PMM2: variants seen among roughly 807,000 people sequenced by gnomAD.
PMM2 encodes the protein mannose-6-phosphate isomerase.
In PMM2, 35 loss-of-function variants were observed where a neutral mutation model predicts 33.2. The observed-to-expected ratio is 1.06, with a 90% CI of 0.81 to 1.40. PMM2 has a LOEUF of 1.40. Among genes scored for constraint, PMM2 ranks in the 40% most tolerant of loss-of-function variants. The pLI is 0.00. For missense variants in PMM2, 386 were observed against 306.0 expected, an observed-to-expected ratio of 1.26 and a Z score of -1.95; for synonymous variants, 153 against 114.7, an observed-to-expected ratio of 1.33 and a Z score of -2.13.
intron 1 of PMM2, among the ~76,000 whole-genome samples, chr16:8,799,976 A>G (rs1382583484): frequency 6.6e-6 from 1 of 152,242 alleles, no homozygotes; most frequent in Non-Finnish European, 1.5e-5. Context: ...TTACTCTAAA[A>G]AAGTTTTTTA....
At chr16:8,846,151 C>T (rs2060924401) in intron 7 of PMM2, among the ~76,000 whole-genome samples, 1 of 152,196 alleles carries the variant, frequency 6.6e-6, no homozygotes, top group African/African-American at 2.4e-5. Context: ...CCAGCACTCC[C>T]TGGGCCCAGC....
chr16:8,798,960 C>T (rs1180173131), intron 1 of PMM2, among the ~76,000 whole-genome samples: 1 of 152,218 alleles, frequency 6.6e-6, no homozygotes, highest in Non-Finnish European at 1.5e-5. Context: ...TGATGACGCT[C>T]AACTCCCAAG....
chr16:8,803,546 G>A (rs939215126), intron 2 of PMM2, among the ~76,000 whole-genome samples: 5 of 152,060 alleles, frequency 3.3e-5, no homozygotes, highest in African/African-American at 1.2e-4. Flanking sequence ...ATGAGTGTGG[G>A]GTCCCCACCC....
intron 7 of PMM2, among the ~76,000 whole-genome samples, chr16:8,835,346 G>T (rs1184631408): frequency 6.6e-6 from 1 of 151,970 alleles, no homozygotes; most frequent in Non-Finnish European, 1.5e-5. Flanking sequence ...GGTAACAGAT[G>T]GGGATGAAAT....
At chr16:8,815,220 T>TC (rs1470889958) in intron 7 of PMM2, among the ~76,000 whole-genome samples, 2 of 141,970 alleles carry the variant, frequency 1.4e-5, no homozygotes, top group East Asian at 3.9e-4. Flanking sequence ...TTTTCTTTCT[T>TC]TTTTTTTTTT....
chr16:8,818,364 G>A (rs79550318), intron 7 of PMM2, among the ~76,000 whole-genome samples: 3 of 152,130 alleles, frequency 2.0e-5, no homozygotes, highest in South Asian at 4.1e-4. Flanking sequence ...GATCCTTTTC[G>A]TCAGCGGTTT....
chr16:8,825,660 G>A lies in PMM2; in HGVS notation c.639+12554G>A, dbSNP rs146982748. On this transcript the variant is annotated intron_variant, in intron 7 of 7. Coordinates refer to ENST00000268261, the MANE Select transcript of PMM2 (RefSeq NM_000303.3). ...TAAAATTTTACAAACAAATGTATCC[G>A]ATTTTAGTTTGACTGTAGGGTAACA... is the stretch of plus-strand genomic sequence containing the variant. Among the ~76,000 whole-genome samples, 318 of 152,040 alleles carry A rather than the reference G, an allele frequency of 2.1e-3. 7 individuals are homozygous for A. The East Asian group carries it at 0.054, about 26-fold the overall frequency.
chr16:8,824,680 T>G (rs995985197), intron 7 of PMM2, among the ~76,000 whole-genome samples: 4 of 152,102 alleles, frequency 2.6e-5, no homozygotes, highest in African/African-American at 9.7e-5. Context: ...AACTTAGAAT[T>G]TGATCTTGGG....
In PMM2 at chr16:8,799,270, T is replaced by C. The variant is rs185486358; in HGVS notation, c.66+1322T>C. Among the ~76,000 whole-genome samples, 14 of 152,308 alleles carry C rather than the reference T, an allele frequency of 9.2e-5. No homozygotes were observed. The East Asian group carries it at 2.3e-3, about 25-fold the overall frequency. ...GGGCCATAGTGGTCTAGGGTTTACA[T>C]TGCCACCCTTTTTCATATCACTGAA... is the stretch of plus-strand genomic sequence containing the variant. On this transcript the variant is annotated intron_variant, in intron 1 of 7. Coordinates refer to ENST00000268261, the MANE Select transcript of PMM2 (RefSeq NM_000303.3).
chr16:8,800,715 G>T (rs371762600), intron 1 of PMM2, among the ~76,000 whole-genome samples: 13 of 145,366 alleles, frequency 8.9e-5, no homozygotes, highest in African/African-American at 3.3e-4. Flanking sequence ...ACGAAGTCTC[G>T]CTCTGTGACC....
chr16:8,832,273 T>C (rs1043801790), intron 7 of PMM2: 12 of 985,280 alleles, frequency 1.2e-5, no homozygotes, highest in Non-Finnish European at 1.4e-5. Context: ...CAGATGCTCC[T>C]GCGAGCCGTG....
chr16:8,798,004 G>A lies in PMM2; in HGVS notation c.66+56G>A, dbSNP rs971085657. ...CGACGCGGAGCCCGTGCTGTTCCCAGTTGGGGCTATCGACCACCCAGGGTA... is the reference window on the plus strand; with the variant it reads ...CGACGCGGAGCCCGTGCTGTTCCCAATTGGGGCTATCGACCACCCAGGGTA... On this transcript the variant is annotated intron_variant, in intron 1 of 7. Transcript: ENST00000268261. 5 of 1,534,412 alleles carry A rather than the reference G, an allele frequency of 3.3e-6. No individual in the cohort carries two copies. The African/African-American group carries it at 5.5e-5, about 17-fold the overall frequency.
intron 7 of PMM2, among the ~76,000 whole-genome samples, chr16:8,837,260 G>C (rs1354639834): frequency 6.6e-6 from 1 of 151,966 alleles, no homozygotes; most frequent in Non-Finnish European, 1.5e-5. Context: ...CCCATTTTAC[G>C]ACAAGAATTA....
At chr16:8,799,570 A>G (rs1210852465) in intron 1 of PMM2, among the ~76,000 whole-genome samples, 1 of 150,794 alleles carries the variant, frequency 6.6e-6, no homozygotes, top group East Asian at 1.9e-4. Context: ...TTTTTTTAAG[A>G]CAGAGTCTCA....
chr16:8,814,411 T>G (rs1403142145), intron 7 of PMM2, among the ~76,000 whole-genome samples: 2 of 152,194 alleles, frequency 1.3e-5, no homozygotes, highest in Admixed American at 6.5e-5. Flanking sequence ...ACCTAGCAGG[T>G]GCATCATAAA....
At position 8,804,031 on chromosome 16, in the gene PMM2, G is replaced by GTTTTTTT. The variant is rs752484926; in HGVS notation, c.179-722_179-716dup. On this transcript the variant is annotated intron_variant, in intron 2 of 7. Transcript: ENST00000268261. ...GTTTTTTGTTTTTTGGGTTTTTTTT[G>GTTTTTTT]TTTTTTTTTTTTTTTTTTTTGACGT... Among the ~76,000 whole-genome samples the GTTTTTTT allele has an allele frequency of 4.0e-3, 349 of 87,402 alleles. 7 individuals carry two copies. Among genetic ancestry groups the GTTTTTTT allele is most frequent in the African/African-American group, 9.5e-3 (208 of 21,910 alleles). The allele number at this position is 87,402 out of a possible 152,430, so 57.3% of individuals were successfully genotyped here.
chr16:8,824,897 T>C (rs1445262290), intron 7 of PMM2, among the ~76,000 whole-genome samples: 12 of 152,254 alleles, frequency 7.9e-5, no homozygotes, highest in Admixed American at 7.9e-4. Flanking sequence ...CTTTTATTTT[T>C]TTTAATAGTT....
At chr16:8,813,760 A>G (rs1477844807) in intron 7 of PMM2, among the ~76,000 whole-genome samples, 2 of 151,932 alleles carry the variant, frequency 1.3e-5, no homozygotes, top group African/African-American at 2.4e-5. Flanking sequence ...CCGTGGGGCA[A>G]GGTGGATCCC....
intron 2 of PMM2, among the ~76,000 whole-genome samples, chr16:8,804,013 GTTTTTTGGGTT>G (rs2060630222): frequency 1.1e-5 from 1 of 92,320 alleles, no homozygotes; most frequent in Non-Finnish European, 2.1e-5. Flanking sequence ...TTTGTTTTTT[GTTTTTTGGGTT>G]TTTTTTGTTT....
Sources: allele counts gnomAD v4.1 joint callset (sites outside exome capture counted in the v4.1 genomes callset), GRCh38; gene constraint gnomAD v4.1.1; transcripts MANE v1.5; gene names NCBI Gene and HGNC (gene_info 2026-07-23, HGNC 2026-07-21).